The following MRAS variants were observed in gnomAD, a reference collection of about 807,000 sequenced individuals.
The protein encoded by MRAS is muscle RAS oncogene homolog, also known as ras-related protein M-Ras.
Under a neutral mutation model 20.9 loss-of-function variants are expected in MRAS, and 4 were observed. The ratio of observed to expected loss-of-function variants is 0.19; its 90% confidence interval spans 0.09 to 0.44. MRAS has a LOEUF of 0.44. Ranked by LOEUF, MRAS falls within the 20% of genes least tolerant of loss-of-function variation. The probability of loss-of-function intolerance (pLI) is 0.99; values close to 1 mark genes in which losing one functional copy is unlikely to be tolerated. For synonymous variants in MRAS, 98 were observed against 102.9 expected, an observed-to-expected ratio of 0.95 and a Z score of 0.29; for missense variants, 154 against 277.5, an observed-to-expected ratio of 0.56 and a Z score of 3.16.
intron 2 of MRAS, among the ~76,000 whole-genome samples, chr3:138,380,318 CT>C (rs959582615): frequency 1.4e-3 from 198 of 136,890 alleles, no homozygotes; most frequent in African/African-American, 5.5e-3. Context: ...ATTCTACTTT[CT>C]TTTTTTTTTC....
At chr3:138,387,959 T>C (rs1287614054) in intron 2 of MRAS, among the ~76,000 whole-genome samples, 1 of 152,124 alleles carries the variant, frequency 6.6e-6, no homozygotes, top group Non-Finnish European at 1.5e-5. Context: ...GGCCGGCACT[T>C]CTCCCCTGAT....
chr3:138,358,268 C>T (rs1378732320), intron 1 of MRAS, among the ~76,000 whole-genome samples: 2 of 151,806 alleles, frequency 1.3e-5, no homozygotes, highest in African/African-American at 4.8e-5. Context: ...ATCCAGGAGG[C>T]AGAGTCTGCA....
intron 2 of MRAS, among the ~76,000 whole-genome samples, chr3:138,381,494 CACTT>C (rs1159216767): frequency 6.6e-6 from 1 of 152,256 alleles, no homozygotes; most frequent in Non-Finnish European, 1.5e-5. Context: ...ATCCTCTCCT[CACTT>C]ACAACAGGGC....
At chr3:138,398,433 G>GAA in intron 3 of MRAS, 36 bp from the exon 4 acceptor site, 1 of 1,575,864 alleles carries the variant, frequency 6.3e-7, no homozygotes, top group Non-Finnish European at 8.7e-7. Context: ...AGGGGTGGTG[G>GAA]AAACCTCACA....
chr3:138,382,712 CTT>C lies in MRAS; in HGVS notation c.193+9637_193+9638del, dbSNP rs1383108253. Among the ~76,000 whole-genome samples, 27 of 152,238 alleles carry C rather than the reference CTT, an allele frequency of 1.8e-4. 1 individual carries two copies. The highest frequency in any genetic ancestry group is 5.9e-5 in the Non-Finnish European group (4 of 68,048). The stretch of plus-strand genomic sequence containing the variant: ...AATATGCAACTCCCTACACCCAACT[CTT>C]AGCACAGCCTGGGCTCGTTCCAGAT... On this transcript the variant is annotated intron_variant, in intron 2 of 5. Coordinates refer to ENST00000423968, the MANE Select transcript of MRAS (RefSeq NM_001085049.3).
At chr3:138,380,042 C>CTCATTGTAGTTTTGATTTGCATT (rs1286001863) in intron 2 of MRAS, among the ~76,000 whole-genome samples, 9 of 152,072 alleles carry the variant, frequency 5.9e-5, no homozygotes, top group Non-Finnish European at 8.8e-5. Flanking sequence ...GAGATGTTAT[C>CTCATTGTAGTTTTGATTTGCATT]TCATTGTAGT....
chr3:138,386,449 T>A (rs150703180), intron 2 of MRAS, among the ~76,000 whole-genome samples: 2,850 of 152,314 alleles, frequency 0.019, 43 homozygotes, highest in Non-Finnish European at 0.026. Context: ...AATTCCATTC[T>A]TTTTTATGAT....
chr3:138,369,007 T>G (rs1207144306), intron 1 of MRAS, among the ~76,000 whole-genome samples: 1 of 152,172 alleles, frequency 6.6e-6, no homozygotes, highest in African/African-American at 2.4e-5. Context: ...TGTTTCTAGC[T>G]CACACTTGAT....
intron 2 of MRAS, among the ~76,000 whole-genome samples, chr3:138,383,570 C>T (rs941589519): frequency 1.3e-5 from 2 of 152,190 alleles, no homozygotes; most frequent in African/African-American, 4.8e-5. Context: ...GCCACTGACA[C>T]ATGTCCCTGT....
At chr3:138,362,274 T>G (rs2054464823) in intron 1 of MRAS, among the ~76,000 whole-genome samples, 1 of 152,122 alleles carries the variant, frequency 6.6e-6, no homozygotes, top group Non-Finnish European at 1.5e-5. Flanking sequence ...GGGGCAGTGT[T>G]TTCATTTTGC....
intron 1 of MRAS, among the ~76,000 whole-genome samples, chr3:138,370,640 A>G (rs1245109577): frequency 6.6e-6 from 1 of 152,194 alleles, no homozygotes; most frequent in Admixed American, 6.5e-5. Flanking sequence ...ACCTGGTCCT[A>G]TACTGCCCCA....
At chr3:138,358,731 G>A (rs2108500204) in intron 1 of MRAS, among the ~76,000 whole-genome samples, 1 of 152,382 alleles carries the variant, frequency 6.6e-6, no homozygotes. Flanking sequence ...CAACTAACTA[G>A]CAGTTAAGTG....
At chr3:138,386,321 A>C in intron 2 of MRAS, among the ~76,000 whole-genome samples, 1 of 150,890 alleles carries the variant, frequency 6.6e-6, no homozygotes, top group African/African-American at 2.4e-5. Flanking sequence ...GCCTTTATGG[A>C]TTTGCCTACT....
At position 138,359,896 on chromosome 3, in the gene MRAS, G is replaced by C. The variant is rs1442572242; in HGVS notation, c.-19+11129G>C. On this transcript the variant is annotated intron_variant, in intron 1 of 5. Coordinates refer to ENST00000423968, the MANE Select transcript of MRAS (RefSeq NM_001085049.3). ...TGTTGATTTATTTGGGTTACACAAT[G>C]TGTAAAACTTTTTCATTGGTGGCCA... Among the ~76,000 whole-genome samples, 6 of 152,222 alleles carry C rather than the reference G, an allele frequency of 3.9e-5. No individual in the cohort carries two copies. The East Asian group carries it at 1.2e-3, about 29-fold the overall frequency.
At chr3:138,354,215 C>A (rs1286804016) in intron 1 of MRAS, among the ~76,000 whole-genome samples, 2 of 151,984 alleles carry the variant, frequency 1.3e-5, no homozygotes, top group Non-Finnish European at 2.9e-5. Flanking sequence ...AAATGAACCC[C>A]TAAATCATTT....
In MRAS at chr3:138,397,409, C is replaced by T. The variant is rs746791585; in HGVS notation, c.279C>T (p.Ser93=). Residue 93 remains serine, a synonymous_variant, in exon 3 of 6, where the codon TCC becomes TCT. Coordinates refer to ENST00000423968, the MANE Select transcript of MRAS (RefSeq NM_001085049.3). ...RTGDGFLIVY[S]VTDKASFEHV... ...GGGATGGCTTCCTCATCGTCTACTC[C>T]GTCACTGACAAGGCCAGCTTTGAGC... The T allele has an allele frequency of 1.1e-5, 18 of 1,614,166 alleles. No individual in the cohort carries two copies. The highest frequency in any genetic ancestry group is 4.5e-5 in the East Asian group (2 of 44,874).
chr3:138,395,063 G>A (rs1167420488), intron 2 of MRAS, among the ~76,000 whole-genome samples: 2 of 150,622 alleles, frequency 1.3e-5, no homozygotes, highest in Non-Finnish European at 3.0e-5. Context: ...TTTTTCAGAC[G>A]GAGTTTTGCT....
intron 2 of MRAS, among the ~76,000 whole-genome samples, chr3:138,382,808 TA>T (rs1194965991): frequency 2.6e-5 from 4 of 152,246 alleles, no homozygotes; most frequent in African/African-American, 9.6e-5. Context: ...ATATGCCAGT[TA>T]ATGTGGGGTT....
At chr3:138,401,717 G>T (rs762706934) in intron 5 of MRAS, among the ~76,000 whole-genome samples, 2 of 152,216 alleles carry the variant, frequency 1.3e-5, no homozygotes, top group Non-Finnish European at 2.9e-5. Flanking sequence ...TGCCTTGGTT[G>T]TGAACCTATA....
Sources: gnomAD v4.1 joint callset for allele counts (sites outside exome capture counted in the v4.1 genomes callset) on GRCh38, gnomAD v4.1.1 for gene constraint, MANE v1.5 for transcripts, NCBI Gene and HGNC (gene_info 2026-07-23, HGNC 2026-07-21) for gene names.